The following CLPTM1L variants were observed in gnomAD, a reference collection of about 807,000 sequenced individuals.
CLPTM1L encodes the protein lipid scramblase CLPTM1L.
Under a neutral mutation model 70.9 loss-of-function variants are expected in CLPTM1L, and 38 were observed. The ratio of observed to expected loss-of-function variants is 0.54; its 90% CI spans 0.41 to 0.70. The LOEUF is 0.70. CLPTM1L is among the 30% of genes least tolerant of loss of function. CLPTM1L has a pLI of 0.00. For synonymous variants in CLPTM1L, 339 were observed against 299.9 expected (o/e 1.13, Z -1.35); for missense variants, 652 against 705.9 (o/e 0.92, Z 0.87).
At chr5:1,334,987 G>A (rs778568259) in intron 6 of CLPTM1L, 70 bp downstream of exon 6, 8 of 1,196,302 alleles carry the variant, frequency 6.7e-6, no homozygotes, top group East Asian at 2.4e-5. Context: ...CCTGTGTCAG[G>A]ATTCGCACTT....
At chr5:1,324,130 A>G (rs1051116358) in intron 11 of CLPTM1L, 11 of 526,692 alleles carry the variant, frequency 2.1e-5, no homozygotes, top group African/African-American at 1.5e-4. Flanking sequence ...CTGGTTGGTC[A>G]AAACCAACCA....
At chr5:1,319,199 C>T (rs1386574437) in intron 16 of CLPTM1L, among the ~76,000 whole-genome samples, 1 of 152,188 alleles carries the variant, frequency 6.6e-6, no homozygotes, top group African/African-American at 2.4e-5. Context: ...ACCTCAGGCT[C>T]TGCAGGGGGC....
chr5:1,338,127 C>G, intron 4 of CLPTM1L, 145 bp from the exon 5 acceptor site: 1 of 677,122 alleles, frequency 1.5e-6, no homozygotes, highest in Non-Finnish European at 2.7e-6. Flanking sequence ...CCCCAGGGCA[C>G]AGCCTCCCCA....
Position 1,339,756 on chromosome 5 carries a change from G to A in CLPTM1L, c.454-751C>T, listed in dbSNP as rs1481304266. Reference sequence around the variant, plus strand: ...AGATGGCCACGCACATGGAAAAACCGCGCCCGGACAGCAGGGTCAGCACCC... The same window carrying A: ...AGATGGCCACGCACATGGAAAAACCACGCCCGGACAGCAGGGTCAGCACCC... On this transcript the variant is annotated intron_variant, in intron 3 of 16. Coordinates refer to ENST00000320895, the MANE Select transcript of CLPTM1L (RefSeq NM_030782.5). Among the ~76,000 whole-genome samples the A allele has an allele frequency of 4.2e-5, 3 of 71,034 alleles. 1 individual carries two copies. The highest frequency in any genetic ancestry group is 8.7e-5 in the African/African-American group (1 of 11,476). The allele number at this position is 71,034 out of a possible 152,430, so 46.6% of individuals were successfully genotyped here.
chr5:1,340,886 C>A (rs1753897456), intron 3 of CLPTM1L, among the ~76,000 whole-genome samples: 1 of 152,214 alleles, frequency 6.6e-6, no homozygotes, highest in Admixed American at 6.5e-5. Flanking sequence ...CTCCCTCAGC[C>A]TCCTGAGTAG....
rs1413164541 is a variant in CLPTM1L at position 1,318,453 on chromosome 5, C to T, written c.1533G>A (p.Trp511Ter). Residue 511 changes from tryptophan to a stop codon, truncating the protein, a stop_gained and splice_region_variant, in exon 17 of 17, where the codon TGG (tryptophan) becomes TGA (stop). Coordinates refer to ENST00000320895, the MANE Select transcript of CLPTM1L (RefSeq NM_030782.5). LOFTEE classifies it high-confidence loss of function. This position sits in a 1 kb window ranked among gnomAD's most constrained non-coding sequence, Gnocchi z 8.9. ...VVFLVYLYQR[W>*]LYPVDKRRVN... ...CTCTGCGTTTATCCACAGGATAAAG[C>T]CTGCAATGACACAAATGAGCACATC... The T allele has an allele frequency of 6.2e-7, 1 of 1,612,702 alleles. No individual in the cohort carries two copies. Among genetic ancestry groups the T allele is most frequent in the Non-Finnish European group, 8.5e-7 (1 of 1,179,146 alleles).
At chr5:1,332,108 T>C in intron 7 of CLPTM1L, 2 of 565,994 alleles carry the variant, frequency 3.5e-6, no homozygotes, top group East Asian at 2.9e-5. Context: ...TCTGAAATAA[T>C]ACGTACCTTT....
intron 6 of CLPTM1L, 115 bp downstream of exon 6, chr5:1,334,941 TG>T: frequency 1.4e-6 from 1 of 697,130 alleles, no homozygotes; most frequent in East Asian, 2.7e-5. Flanking sequence ...TCAACGTCTG[TG>T]CAAGGATCTG....
intron 8 of CLPTM1L, chr5:1,331,471 C>A: frequency 2.4e-6 from 1 of 422,670 alleles, no homozygotes; most frequent in Non-Finnish European, 4.3e-6. Context: ...GCTCAGCGCC[C>A]ATGAGCAGCC....
intron 7 of CLPTM1L, among the ~76,000 whole-genome samples, chr5:1,332,978 T>C (rs559461743): frequency 3.1e-4 from 46 of 150,670 alleles, no homozygotes; most frequent in South Asian, 6.3e-4. Flanking sequence ...GGGGGACTAC[T>C]GTATACACAC....
chr5:1,325,847 T>C (rs1291536142), intron 9 of CLPTM1L, 31 bp from the exon 10 acceptor site: 2 of 1,601,902 alleles, frequency 1.2e-6, no homozygotes, highest in South Asian at 1.1e-5. Context: ...ATAGTTCCTT[T>C]AATATTCGAA....
In CLPTM1L at chr5:1,342,012, G is replaced by A. The variant is rs902396624; in HGVS notation, c.264-152C>T. The A allele has an allele frequency of 1.7e-5, 8 of 475,386 alleles. No individual in the cohort carries two copies. Among genetic ancestry groups the A allele is most frequent in the Middle Eastern group, 5.5e-4 (1 of 1,828 alleles). The allele number at this position is 475,386 out of a possible 1,614,324, so 29.4% of individuals were successfully genotyped here. ...ACCTGCCCAGGGCTTTACGAGTCGT[G>A]TGTGTGTGTGTGTGTGTGTGTGTGT... On this transcript the variant is annotated intron_variant, in intron 2 of 16. Coordinates refer to ENST00000320895, the MANE Select transcript of CLPTM1L (RefSeq NM_030782.5). This position sits in a 1 kb window ranked among gnomAD's most constrained non-coding sequence, Gnocchi z 4.3.
chr5:1,324,720 G>A, intron 11 of CLPTM1L, 43 bp downstream of exon 11: 1 of 1,574,638 alleles, frequency 6.4e-7, no homozygotes, highest in East Asian at 2.2e-5. Context: ...GAGGGTGTTG[G>A]ATTTGCCTGG....
chr5:1,338,169 C>A (rs565798420), intron 4 of CLPTM1L, 187 bp from the exon 5 acceptor site: 5 of 613,148 alleles, frequency 8.2e-6, no homozygotes, highest in Admixed American at 2.6e-5. Context: ...AACATATGCA[C>A]GCTTGTGAGA....
chr5:1,335,301 C>A, intron 5 of CLPTM1L, 127 bp from the exon 6 acceptor site: 2 of 744,324 alleles, frequency 2.7e-6, no homozygotes, highest in Non-Finnish European at 4.7e-6. Context: ...ATGACTGGGC[C>A]CAGCAAGCAT....
At chr5:1,325,981 A>C (rs1752509353) in intron 9 of CLPTM1L, 165 bp from the exon 10 acceptor site, 1 of 613,920 alleles carries the variant, frequency 1.6e-6, no homozygotes, top group Non-Finnish European at 2.9e-6. Context: ...TGGAGGCTGG[A>C]CCTGGGCCTC....
rs144332314 is a variant in CLPTM1L, at chr5:1,331,068, G to C, written c.977-685C>G. On this transcript the variant is annotated intron_variant, in intron 8 of 16. Coordinates refer to ENST00000320895, the MANE Select transcript of CLPTM1L (RefSeq NM_030782.5). ...AAATGCTCCTCACTCCTAACCAACA[G>C]GACACACCCACTCCTCGTCCTCACA... 992 of 153,044 alleles carry C rather than the reference G, an allele frequency of 6.5e-3. 8 individuals carry two copies. The highest frequency in any genetic ancestry group is 0.011 in the Non-Finnish European group (741 of 68,616). The allele number at this position is 153,044 out of a possible 1,614,324, so 9.5% of individuals were successfully genotyped here. A position where few individuals can be genotyped will look rare whatever the true frequency, so the allele number is the denominator to read the frequency against.
chr5:1,329,004 T>C (rs565973852), intron 9 of CLPTM1L, among the ~76,000 whole-genome samples: 69 of 151,486 alleles, frequency 4.6e-4, no homozygotes, highest in South Asian at 1.0e-3. Context: ...AGACATTGCA[T>C]CCAGCTCCTC....
At chr5:1,321,490 G>A (rs1752151088) in intron 15 of CLPTM1L, 145 bp downstream of exon 15, 1 of 713,644 alleles carries the variant, frequency 1.4e-6, no homozygotes, top group Non-Finnish European at 2.4e-6. Context: ...TTTTTTAAAG[G>A]AGCCTCCTCA....
Sources: allele counts gnomAD v4.1 joint callset (sites outside exome capture counted in the v4.1 genomes callset), GRCh38; gene constraint gnomAD v4.1.1; non-coding constraint Gnocchi (gnomAD v3.1); transcripts MANE v1.5; gene names NCBI Gene and HGNC (gene_info 2026-07-23, HGNC 2026-07-21).